Variants in KALRN observed in about 807,000 individuals in gnomAD.
The protein encoded by KALRN is kalirin RhoGEF kinase, also known as kalirin.
A neutral mutation model predicts 353.7 loss-of-function variants in KALRN; 70 were observed. The observed-to-expected ratio is 0.20, with a 90% CI of 0.16 to 0.24. The LOEUF (loss-of-function observed/expected upper bound fraction) is 0.24. Among genes scored for constraint, KALRN ranks in the 10% least tolerant of loss-of-function variants. KALRN has a pLI of 1.00. For synonymous variants in KALRN, 1,391 were observed against 1,434.8 expected, an observed-to-expected ratio of 0.97 and a Z score of 0.69; for missense variants, 2,791 against 3,756.7, an observed-to-expected ratio of 0.74 and a Z score of 6.72.
At chr3:124,470,157 T>C (rs936051734) in intron 25 of KALRN, among the ~76,000 whole-genome samples, 3 of 152,210 alleles carry the variant, frequency 2.0e-5, no homozygotes, top group African/African-American at 4.8e-5. Flanking sequence ...CTTTAAAAGT[T>C]TTATTCCTTT....
In KALRN at chr3:124,513,476, G is replaced by T. The variant is rs1406544214; in HGVS notation, c.4935+17063G>T. ...CACTAGGGAAAGCGTTTGCCACTGT[G>T]TGAGCAGCAAGCTTTTAAACAGGAG... On this transcript the variant is annotated intron_variant, in intron 33 of 59. Transcript: ENST00000682506. Among the ~76,000 whole-genome samples, 4 of 152,234 alleles carry T rather than the reference G, an allele frequency of 2.6e-5. No homozygotes were observed. In the East Asian group the frequency reaches 5.8e-4, roughly 22 times the overall value.
intron 6 of KALRN, 122 bp downstream of exon 6, chr3:124,299,035 G>C: frequency 7.6e-7 from 1 of 1,318,210 alleles, no homozygotes; most frequent in South Asian, 1.3e-5. Flanking sequence ...ACCCTTTGGT[G>C]TTCCATTTGT....
chr3:124,408,716 GA>G (rs34277503), intron 13 of KALRN, among the ~76,000 whole-genome samples: 13,154 of 147,676 alleles, frequency 0.089, 639 homozygotes, highest in South Asian at 0.13. Flanking sequence ...AGGAAGTGGG[GA>G]AAAAAAAAAG....
intron 16 of KALRN, among the ~76,000 whole-genome samples, chr3:124,432,592 T>C (rs2093322306): frequency 6.6e-6 from 1 of 152,190 alleles, no homozygotes; most frequent in Non-Finnish European, 1.5e-5. Context: ...AAGGTTTGCC[T>C]CAATCAAATG....
Position 124,153,567 on chromosome 3 carries a change from G to A in KALRN, c.74-74423G>A, listed in dbSNP as rs749551159. Reference sequence around the variant, plus strand: ...AGTCTTTGCTATTGTGAATAGTGCCGCAATAAACATACGTGTGCATGTGTC... The same window carrying A: ...AGTCTTTGCTATTGTGAATAGTGCCACAATAAACATACGTGTGCATGTGTC... On this transcript the variant is annotated intron_variant, in intron 1 of 59. Coordinates refer to ENST00000682506, the MANE Select transcript of KALRN (RefSeq NM_001388419.1). Among the ~76,000 whole-genome samples, 1,384 of 150,050 alleles carry A rather than the reference G, an allele frequency of 9.2e-3. 13 individuals are homozygous for A. The highest frequency in any genetic ancestry group is 0.041 in the South Asian group (188 of 4,630).
chr3:124,097,477 A>G (rs971102562), intron 1 of KALRN, among the ~76,000 whole-genome samples: 1 of 152,162 alleles, frequency 6.6e-6, no homozygotes, highest in Non-Finnish European at 1.5e-5. Context: ...TAAGGAGGGG[A>G]TAGGAAATGA....
intron 3 of KALRN, among the ~76,000 whole-genome samples, chr3:124,257,669 C>A (rs1021202305): frequency 6.6e-6 from 1 of 152,102 alleles, no homozygotes; most frequent in Non-Finnish European, 1.5e-5. Context: ...GCCAAGGGGG[C>A]CTCAGGGGAC....
chr3:124,325,176 G>A (rs899384568), intron 6 of KALRN, among the ~76,000 whole-genome samples: 1 of 152,206 alleles, frequency 6.6e-6, no homozygotes, highest in Non-Finnish European at 1.5e-5. Context: ...AGATGGGAAT[G>A]AATGTAAACA....
chr3:124,636,872 TA>T (rs2081402433), intron 36 of KALRN, among the ~76,000 whole-genome samples: 1 of 152,206 alleles, frequency 6.6e-6, no homozygotes, highest in Admixed American at 6.5e-5. Flanking sequence ...CACAGAGCAG[TA>T]GCCCCCGCCC....
intron 40 of KALRN, 70 bp downstream of exon 40, chr3:124,657,621 T>C: frequency 7.1e-7 from 1 of 1,399,688 alleles, no homozygotes; most frequent in Admixed American, 1.7e-5. Flanking sequence ...TTCCTGCATC[T>C]GACTCAAGGA....
intron 33 of KALRN, among the ~76,000 whole-genome samples, chr3:124,522,918 A>C (rs2109031324): frequency 6.6e-6 from 1 of 152,336 alleles, no homozygotes; most frequent in East Asian, 1.9e-4. Flanking sequence ...AGCCACAGCC[A>C]AAGACCCCAA....
intron 13 of KALRN, among the ~76,000 whole-genome samples, chr3:124,409,711 A>T (rs539937787): frequency 1.1e-4 from 17 of 152,334 alleles, no homozygotes; most frequent in South Asian, 6.2e-4. Flanking sequence ...TTTTCTTTTT[A>T]AAAAATGAGC....
chr3:124,116,222 A>G (rs1302862293), intron 1 of KALRN, among the ~76,000 whole-genome samples: 1 of 152,212 alleles, frequency 6.6e-6, no homozygotes, highest in Admixed American at 6.5e-5. Context: ...GTAGCATTTT[A>G]TTAGTCATGC....
In KALRN at chr3:124,717,265, C is replaced by G. The variant is rs1344657986; in HGVS notation, c.8295C>G (p.Leu2765=). 6.2e-7 allele frequency: 1 copy of G among 1,606,268 alleles called. No homozygotes were observed. The highest frequency in any genetic ancestry group is 1.3e-5 in the African/African-American group (1 of 74,628). The change falls in exon 59 of 60, where the codon CTC becomes CTG. Residue 2765 remains leucine, a synonymous_variant. Transcript: ENST00000682506. The stretch of plus-strand genomic sequence containing the variant: ...CTTTCAGGATGGATGATGGCCGGCT[C>G]TTAGACTACCTTATGAATCATGATG... The part of the protein sequence containing the change: ...LILELMDDGR[L]LDYLMNHDEL...
chr3:124,176,927 G>T (rs975238349), intron 1 of KALRN, among the ~76,000 whole-genome samples: 2 of 152,156 alleles, frequency 1.3e-5, no homozygotes, highest in Non-Finnish European at 2.9e-5. Flanking sequence ...CACACTATTC[G>T]CAATGCAAAG....
intron 34 of KALRN, among the ~76,000 whole-genome samples, chr3:124,597,788 TA>T (rs5852419): frequency 0.051 from 7,191 of 141,996 alleles, 201 homozygotes; most frequent in Middle Eastern, 0.087. Flanking sequence ...AATATGAGAT[TA>T]AAAAAAAACT....
rs200155476 is a variant in KALRN, at chr3:124,287,791, A to G, written c.970-11000A>G. ...GGAAGATATATATATATATATATATATATATATATATATATATATATATAT... is the reference window on the plus strand; with the variant it reads ...GGAAGATATATATATATATATATATGTATATATATATATATATATATATAT... On this transcript the variant is annotated intron_variant, in intron 5 of 59. Coordinates refer to ENST00000682506, the MANE Select transcript of KALRN (RefSeq NM_001388419.1). Among the ~76,000 whole-genome samples, 90 of 15,914 alleles carry G rather than the reference A, an allele frequency of 5.7e-3. 3 individuals are homozygous for G. Among genetic ancestry groups the G allele is most frequent in the South Asian group, 6.0e-3 (1 of 168 alleles). The allele number at this position is 15,914 out of a possible 152,430, so 10.4% of individuals were successfully genotyped here.
intron 33 of KALRN, among the ~76,000 whole-genome samples, chr3:124,524,579 C>T (rs997978607): frequency 4.6e-5 from 7 of 152,128 alleles, no homozygotes; most frequent in African/African-American, 1.2e-4. Context: ...ATGTTCACTG[C>T]AACACAAGGA....
At chr3:124,369,637 A>G (rs1191805762) in intron 10 of KALRN, among the ~76,000 whole-genome samples, 2 of 152,174 alleles carry the variant, frequency 1.3e-5, no homozygotes, top group Non-Finnish European at 2.9e-5. Flanking sequence ...ATTTTTTAAG[A>G]ATACATATAT....
Sources: gnomAD v4.1 joint callset for allele counts (sites outside exome capture counted in the v4.1 genomes callset) on GRCh38, gnomAD v4.1.1 for gene constraint, MANE v1.5 for transcripts, NCBI Gene and HGNC (gene_info 2026-07-23, HGNC 2026-07-21) for gene names.